Variants in RNF150 observed in about 807,000 individuals in gnomAD.
The protein encoded by RNF150 is ring finger protein 150.
RNF150 carries 24 observed loss-of-function variants against 39.3 expected under a neutral mutation model. The ratio of observed to expected loss-of-function variants is 0.61; its 90% CI spans 0.44 to 0.86. The LOEUF (loss-of-function observed/expected upper bound fraction) is 0.86. Among genes scored for constraint, RNF150 ranks in the 40% least tolerant of loss-of-function variants. RNF150 has a pLI of 0.00. For missense variants in RNF150, 502 were observed against 587.8 expected, an observed-to-expected ratio of 0.85 and a Z score of 1.51; for synonymous variants, 255 against 227.3, an observed-to-expected ratio of 1.12 and a Z score of -1.10.
At chr4:140,995,970 C>A (rs1008629929) in intron 1 of RNF150, among the ~76,000 whole-genome samples, 1 of 152,048 alleles carries the variant, frequency 6.6e-6, no homozygotes, top group Non-Finnish European at 1.5e-5. Flanking sequence ...ATACTGATTT[C>A]CTTTTTTGGG....
chr4:141,181,424 C>G (rs1174938406), intron 1 of RNF150, among the ~76,000 whole-genome samples: 2 of 152,140 alleles, frequency 1.3e-5, no homozygotes, highest in Non-Finnish European at 2.9e-5. Context: ...GTTTTTTCAT[C>G]TGTACATAAT....
At chr4:141,006,207 C>T (rs1734863230) in intron 1 of RNF150, among the ~76,000 whole-genome samples, 1 of 126,826 alleles carries the variant, frequency 7.9e-6, no homozygotes, top group African/African-American at 2.6e-5. Flanking sequence ...TATATATATA[C>T]ACACATATAT....
chr4:141,037,850 A>G (rs1401720255), intron 1 of RNF150, among the ~76,000 whole-genome samples: 1 of 152,218 alleles, frequency 6.6e-6, no homozygotes, highest in African/African-American at 2.4e-5. Context: ...ACCTACACTT[A>G]CAGACTTAAC....
upstream of RNF150, among the ~76,000 whole-genome samples, chr4:141,135,091 C>T (rs1317189733): frequency 6.6e-6 from 1 of 152,126 alleles, no homozygotes; most frequent in Admixed American, 6.5e-5. Flanking sequence ...AAGTAAAACA[C>T]TGAGTAAAAT....
intron 1 of RNF150, among the ~76,000 whole-genome samples, chr4:141,009,682 T>C (rs1735001942): frequency 6.6e-6 from 1 of 152,230 alleles, no homozygotes; most frequent in Admixed American, 6.5e-5. Context: ...TTGCACCTAT[T>C]CCATGTCATT....
chr4:141,014,203 T>G (rs778730430), intron 1 of RNF150, among the ~76,000 whole-genome samples: 6 of 152,232 alleles, frequency 3.9e-5, no homozygotes, highest in South Asian at 2.1e-4. Context: ...TATGCCATTA[T>G]GTACATATAT....
chr4:140,875,641 G>A (rs10519565), intron 6 of RNF150, among the ~76,000 whole-genome samples: 21,522 of 151,840 alleles, frequency 0.14, 1,822 homozygotes, highest in East Asian at 0.39. Context: ...GCTAAGAACC[G>A]TTCACTTAAA....
chr4:141,036,585 T>C lies in RNF150; in HGVS notation c.485-68712A>G, dbSNP rs538759315. Among the ~76,000 whole-genome samples the C allele has an allele frequency of 2.0e-5, 3 of 152,286 alleles. No individual in the cohort carries two copies. In the South Asian group the frequency reaches 6.2e-4, roughly 32 times the overall value. Reference sequence around the variant, plus strand: ...GGTAATAACGTGTTCCTGAAATTTTTTGAGAAGGCTTTCTTACATTTTGGG... The same window carrying C: ...GGTAATAACGTGTTCCTGAAATTTTCTGAGAAGGCTTTCTTACATTTTGGG... On this transcript the variant is annotated intron_variant, in intron 1 of 6. Transcript: ENST00000515673.
intron 1 of RNF150, among the ~76,000 whole-genome samples, chr4:141,060,326 A>T (rs1038068914): frequency 2.0e-5 from 3 of 152,134 alleles, no homozygotes; most frequent in African/African-American, 7.2e-5. Flanking sequence ...TTGCAGTCCC[A>T]GATACTTGGG....
intron 1 of RNF150, among the ~76,000 whole-genome samples, chr4:140,992,205 A>G (rs2111481433): frequency 6.6e-6 from 1 of 152,168 alleles, no homozygotes; most frequent in African/African-American, 2.4e-5. Context: ...TAATTAGATA[A>G]AGAGTTAATT....
chr4:141,189,573 C>T (rs1688476111), intron 1 of RNF150, among the ~76,000 whole-genome samples: 1 of 152,128 alleles, frequency 6.6e-6, no homozygotes, highest in African/African-American at 2.4e-5. Flanking sequence ...GGGGCTGCTG[C>T]ATTTCTTTCA....
At chr4:141,211,363 C>T (rs1180759642) in intron 1 of RNF150, among the ~76,000 whole-genome samples, 2 of 152,018 alleles carry the variant, frequency 1.3e-5, no homozygotes, top group African/African-American at 4.8e-5. Context: ...TCAAGAAAAC[C>T]TCATTGAAGC....
chr4:141,128,887 T>A (rs1422205729), intron 1 of RNF150, among the ~76,000 whole-genome samples: 1 of 152,158 alleles, frequency 6.6e-6, no homozygotes, highest in Non-Finnish European at 1.5e-5. Context: ...TAACAGTTAG[T>A]CATCAGGGAA....
intron 1 of RNF150, among the ~76,000 whole-genome samples, chr4:141,199,593 C>A (rs1241301859): frequency 6.6e-6 from 1 of 151,970 alleles, no homozygotes; most frequent in African/African-American, 2.4e-5. Flanking sequence ...GAAGTCAGAC[C>A]CCCAAATCTT....
chr4:141,111,765 G>A (rs1489718476), intron 1 of RNF150, among the ~76,000 whole-genome samples: 1 of 152,120 alleles, frequency 6.6e-6, no homozygotes, highest in Non-Finnish European at 1.5e-5. Context: ...ATCATCCGAG[G>A]CCAATTAAAA....
chr4:140,881,388 T>G (rs1729367659), intron 6 of RNF150, among the ~76,000 whole-genome samples: 1 of 152,132 alleles, frequency 6.6e-6, no homozygotes, highest in Non-Finnish European at 1.5e-5. Context: ...GGTCTCAAAC[T>G]TGTGAGCTCA....
chr4:141,143,791 C>A lies in RNF150; in HGVS notation c.-6+69003G>T, dbSNP rs957920777. Among the ~76,000 whole-genome samples, 9 of 152,062 alleles carry A rather than the reference C, an allele frequency of 5.9e-5. No individual in the cohort carries two copies. In the East Asian group the frequency reaches 1.7e-3, roughly 30 times the overall value. ...CTCTCTTCAGGGCTTTTGCACATGG[C>A]ATTCCTTGTGTCTGGAATGCTCTTT... On this transcript the variant is annotated intron_variant, in intron 1 of 7. Transcript: ENST00000420921.
At chr4:140,960,090 A>T (rs1337790364) in intron 2 of RNF150, among the ~76,000 whole-genome samples, 1 of 152,058 alleles carries the variant, frequency 6.6e-6, no homozygotes, top group Non-Finnish European at 1.5e-5. Context: ...TAAATTTAAC[A>T]TCGTCAAATC....
chr4:140,984,740 G>A (rs955087656), intron 1 of RNF150, among the ~76,000 whole-genome samples: 1 of 152,096 alleles, frequency 6.6e-6, no homozygotes, highest in Non-Finnish European at 1.5e-5. Context: ...CAAGGGAAAG[G>A]AGGAATTGCT....
Sources: allele counts gnomAD v4.1 joint callset (sites outside exome capture counted in the v4.1 genomes callset), GRCh38; gene constraint gnomAD v4.1.1; transcripts MANE v1.5; gene names NCBI Gene and HGNC (gene_info 2026-07-23, HGNC 2026-07-21).